The following MYO18B variants were observed in gnomAD, a reference collection of about 807,000 sequenced individuals.
The protein encoded by MYO18B is myosin XVIIIB, also known as unconventional myosin-XVIIIb.
A neutral mutation model predicts 273.0 loss-of-function variants in MYO18B; 204 were observed. The observed-to-expected ratio is 0.75, with a 90% CI of 0.67 to 0.84. The LOEUF is 0.84. Ranked by LOEUF, MYO18B falls within the 40% of genes least tolerant of loss-of-function variation. The pLI, the probability that MYO18B is intolerant of heterozygous loss-of-function variation, is 0.00. For synonymous variants in MYO18B, 1,330 were observed against 1,305.7 expected, an observed-to-expected ratio of 1.02 and a Z score of -0.40; for missense variants, 3,212 against 3,287.6, an observed-to-expected ratio of 0.98 and a Z score of 0.56.
At chr22:25,774,009 C>A (rs568576563) in intron 7 of MYO18B, among the ~76,000 whole-genome samples, 2 of 152,302 alleles carry the variant, frequency 1.3e-5, no homozygotes, top group Admixed American at 1.3e-4. Flanking sequence ...GCCCCTAGGA[C>A]ACCTGGTGTC....
intron 42 of MYO18B, among the ~76,000 whole-genome samples, chr22:26,024,192 C>T (rs976168087): frequency 6.6e-6 from 1 of 152,096 alleles, no homozygotes; most frequent in Non-Finnish European, 1.5e-5. Flanking sequence ...TATTGATTGC[C>T]TTTAATTATT....
At chr22:25,890,966 G>A in intron 26 of MYO18B, 91 bp downstream of exon 26, 1 of 1,500,902 alleles carries the variant, frequency 6.7e-7, no homozygotes, top group Non-Finnish European at 8.9e-7. Context: ...AGATCAGTAA[G>A]CTTAAGCAAG....
intron 21 of MYO18B, among the ~76,000 whole-genome samples, chr22:25,855,163 A>T (rs2090529507): frequency 6.6e-6 from 1 of 151,916 alleles, no homozygotes; most frequent in African/African-American, 2.4e-5. Context: ...ATTTGCTTTC[A>T]TCATTTAGCT....
At position 25,777,642 on chromosome 22, in the gene MYO18B, A is replaced by G; in HGVS notation, c.1929A>G (p.Ala643=). The change falls in exon 8 of 44, where the codon GCA becomes GCG. Residue 643 remains alanine (A), a synonymous_variant. Coordinates refer to ENST00000335473, the MANE Select transcript of MYO18B (RefSeq NM_032608.7). ...ACATTGGCTCCATGGCACAGCGGGCATACTGGGCGCTGCTGAACCAGCGGA... is the reference window on the plus strand; with the variant it reads ...ACATTGGCTCCATGGCACAGCGGGCGTACTGGGCGCTGCTGAACCAGCGGA... The part of the protein sequence containing the change: ...PAHIGSMAQR[A]YWALLNQRRD... 6 of 1,612,266 alleles carry G rather than the reference A, an allele frequency of 3.7e-6. No individual in the cohort carries two copies. Among genetic ancestry groups the G allele is most frequent in the Non-Finnish European group, 5.1e-6 (6 of 1,179,048 alleles).
intron 11 of MYO18B, 142 bp downstream of exon 11, chr22:25,785,633 T>G: frequency 1.3e-6 from 1 of 784,284 alleles, no homozygotes. Flanking sequence ...GAGTTGGCAC[T>G]GCCTTTGTAG....
chr22:25,850,554 TG>T (rs1261538204), intron 20 of MYO18B, among the ~76,000 whole-genome samples: 1 of 152,230 alleles, frequency 6.6e-6, no homozygotes, highest in East Asian at 1.9e-4. Flanking sequence ...CAGTAAATGC[TG>T]GCTGTTACTG....
chr22:25,876,458 C>G, intron 24 of MYO18B, 126 bp downstream of exon 24: 1 of 991,808 alleles, frequency 1.0e-6, no homozygotes, highest in East Asian at 2.9e-5. Flanking sequence ...AGCCCAACAG[C>G]CTTGATGCCC....
chr22:25,806,279 A>G (rs1224618594), intron 12 of MYO18B, among the ~76,000 whole-genome samples: 1 of 152,186 alleles, frequency 6.6e-6, no homozygotes, highest in Non-Finnish European at 1.5e-5. Context: ...ACTGAACGAC[A>G]ACCACTCGGC....
At chr22:25,973,409 C>G (rs2093056336) in intron 39 of MYO18B, among the ~76,000 whole-genome samples, 1 of 152,208 alleles carries the variant, frequency 6.6e-6, no homozygotes, top group Non-Finnish European at 1.5e-5. Context: ...TAGGACAGAA[C>G]CCAGTGGCTC....
intron 40 of MYO18B, 135 bp downstream of exon 40, chr22:25,992,628 G>A (rs1569273151): frequency 9.5e-6 from 11 of 1,155,038 alleles, no homozygotes; most frequent in South Asian, 5.9e-5. Context: ...GGCACCCCTC[G>A]TTTACTTGGG....
intron 23 of MYO18B, 147 bp from the exon 24 acceptor site, chr22:25,876,042 G>GTA: frequency 3.8e-5 from 17 of 446,202 alleles, no homozygotes; most frequent in South Asian, 3.8e-4. Flanking sequence ...GTGTGTGTGT[G>GTA]TGTATGTGTT....
At chr22:25,829,251 G>A (rs1311123308) in intron 15 of MYO18B, among the ~76,000 whole-genome samples, 1 of 152,190 alleles carries the variant, frequency 6.6e-6, no homozygotes, top group Non-Finnish European at 1.5e-5. Context: ...TGGGATGACT[G>A]CTTCATTCTC....
At chr22:25,979,369 G>C (rs928899313) in intron 39 of MYO18B, among the ~76,000 whole-genome samples, 1 of 152,166 alleles carries the variant, frequency 6.6e-6, no homozygotes, top group Non-Finnish European at 1.5e-5. Context: ...TTATTCCCCT[G>C]TCAGGAAAAT....
At position 25,887,364 on chromosome 22, in the gene MYO18B, CA is replaced by C. The variant is rs538827987; in HGVS notation, c.4315-3389del. Among the ~76,000 whole-genome samples the C allele has an allele frequency of 8.5e-5, 13 of 152,114 alleles. No individual in the cohort carries two copies. The South Asian group carries it at 2.5e-3, about 29-fold the overall frequency. On this transcript the variant is annotated intron_variant, in intron 25 of 43. Transcript: ENST00000335473. ...AGTTACTCACTGCTCGCCCAAGCTG[CA>C]AATGAGGCCAGTGCACAGGATATTT... is the stretch of plus-strand genomic sequence containing the variant.
chr22:25,768,738 C>T lies in MYO18B; in HGVS notation c.822C>T (p.Gly274=), dbSNP rs754287206. The T allele has an allele frequency of 3.9e-5, 62 of 1,598,886 alleles. No homozygotes were observed. The highest frequency in any genetic ancestry group is 1.7e-4 in the Middle Eastern group (1 of 6,048). ...QGTRPQAQGP[G]EGVRPGKAEK... is the part of the protein sequence containing the mutation. ...CCAGGCCCCAAGCCCAAGGGCCCGG[C>T]GAGGGGGTGCGACCAGGGAAAGCAG... is the stretch of plus-strand genomic sequence containing the variant. Residue 274 remains glycine, a synonymous_variant, in exon 4 of 44, where the codon GGC becomes GGT. Coordinates refer to ENST00000335473, the MANE Select transcript of MYO18B (RefSeq NM_032608.7).
chr22:25,940,466 T>G lies in MYO18B; in HGVS notation c.5518-5671T>G, dbSNP rs558447411. 7.2e-5 allele frequency among the ~76,000 whole-genome samples: 11 copies of G among 152,318 alleles called. No homozygotes were observed. The East Asian group carries it at 1.9e-3, about 27-fold the overall frequency. ...AAATTATCCAGTCTCAGGTATGTCT[T>G]TATTAGTAGTGTGAGAACAGACTAA... On this transcript the variant is annotated intron_variant, in intron 34 of 43. Coordinates refer to ENST00000335473, the MANE Select transcript of MYO18B (RefSeq NM_032608.7).
At chr22:26,036,770 G>A in the MYO18B span, among the ~76,000 whole-genome samples, 2 of 152,230 alleles carry the variant, frequency 1.3e-5, no homozygotes, top group East Asian at 1.9e-4. Flanking sequence ...AGCAAAAGGT[G>A]GAAGGACATT....
intron 34 of MYO18B, among the ~76,000 whole-genome samples, chr22:25,922,927 G>T (rs955318291): frequency 2.0e-5 from 3 of 152,174 alleles, no homozygotes; most frequent in Admixed American, 1.3e-4. Flanking sequence ...ATTTAGACTT[G>T]ATTTGAATTT....
At chr22:25,953,934 G>T (rs1310382284) in intron 38 of MYO18B, among the ~76,000 whole-genome samples, 1 of 152,166 alleles carries the variant, frequency 6.6e-6, no homozygotes, top group African/African-American at 2.4e-5. Context: ...TGGAATTGTG[G>T]CTGAACTTCA....
Sources: gnomAD v4.1 joint callset for allele counts (sites outside exome capture counted in the v4.1 genomes callset) on GRCh38, gnomAD v4.1.1 for gene constraint, MANE v1.5 for transcripts, NCBI Gene and HGNC (gene_info 2026-07-23, HGNC 2026-07-21) for gene names.